The following PDE8B variants were observed in gnomAD, a reference collection of about 807,000 sequenced individuals.
The protein encoded by PDE8B is phosphodiesterase 8B, also known as high affinity cAMP-specific and IBMX-insensitive 3',5'-cyclic phosphodiesterase 8B.
PDE8B carries 26 observed loss-of-function variants against 101.3 expected under a neutral mutation model. The observed-to-expected ratio is 0.26, with a 90% confidence interval of 0.19 to 0.36. The LOEUF (loss-of-function observed/expected upper bound fraction) is 0.36, where lower values mean the gene tolerates loss of function less well. Ranked by LOEUF, PDE8B falls within the 10% of genes least tolerant of loss-of-function variation. PDE8B has a pLI of 1.00. For missense variants in PDE8B, 810 were observed against 1,163.1 expected (o/e 0.70, Z 4.42); for synonymous variants, 424 against 429.3 (o/e 0.99, Z 0.15).
At chr5:77,153,625 A>AGT in the PDE8B span, among the ~76,000 whole-genome samples, 1 of 134,442 alleles carries the variant, frequency 7.4e-6, no homozygotes, top group Non-Finnish European at 1.5e-5. Context: ...CCCAGGCTGG[A>AGT]GTGCAGTGGT....
chr5:77,188,726 A>C, the PDE8B span, among the ~76,000 whole-genome samples: 1 of 152,242 alleles, frequency 6.6e-6, no homozygotes, highest in African/African-American at 2.4e-5. Context: ...AACCCTGTGC[A>C]TCACAACACA....
chr5:77,265,426 A>G (rs1029881186), intron 1 of PDE8B, among the ~76,000 whole-genome samples: 1 of 152,164 alleles, frequency 6.6e-6, no homozygotes, highest in Non-Finnish European at 1.5e-5. Context: ...CTAGTTCATC[A>G]GTGTCTTTAG....
intron 10 of PDE8B, among the ~76,000 whole-genome samples, chr5:77,388,675 GC>G (rs1236898486): frequency 1.3e-5 from 2 of 152,208 alleles, no homozygotes; most frequent in Non-Finnish European, 2.9e-5. Flanking sequence ...GCCCACAGCT[GC>G]CCCTTCCCCA....
chr5:77,199,483 C>A, the PDE8B span, among the ~76,000 whole-genome samples: 1 of 152,166 alleles, frequency 6.6e-6, no homozygotes, highest in Non-Finnish European at 1.5e-5. Flanking sequence ...AGGTTTATTT[C>A]TTTTCTTTTA....
intron 10 of PDE8B, among the ~76,000 whole-genome samples, chr5:77,398,286 T>G (rs62362503): frequency 6.6e-6 from 1 of 151,474 alleles, no homozygotes; most frequent in Non-Finnish European, 1.5e-5. Context: ...AAAACCTTTT[T>G]CCTAATTGTA....
At position 77,210,935 on chromosome 5, in the gene PDE8B, GC is replaced by G. The variant is rs2149370675; in HGVS notation, c.15del (p.Ser6AlafsTer9). MGCAPSIHVSQSGV... is the reference protein window; with the variant it reads MGCXPSIHVSQSGV... ...GGAGCCCGGCCGAGGGATGGGCTGC[GC>G]CCCCAGCATCCATGTCTCGCAGAGC... On this transcript the variant is annotated frameshift_variant, in exon 1 of 22. Coordinates refer to ENST00000264917, the MANE Select transcript of PDE8B (RefSeq NM_003719.5). LOFTEE classifies it high-confidence loss of function. This position sits in a 1 kb window ranked among gnomAD's most constrained non-coding sequence, Gnocchi z 4.9. 1 of 1,486,420 alleles carries G rather than the reference GC, an allele frequency of 6.7e-7. No homozygotes were observed. The highest frequency in any genetic ancestry group is 8.9e-7 in the Non-Finnish European group (1 of 1,124,672). The allele number at this position is 1,486,420 out of a possible 1,614,324, so 92.1% of individuals were successfully genotyped here.
At chr5:77,410,393 C>G (rs761255341) in intron 14 of PDE8B, 2 of 152,268 alleles carry the variant, frequency 1.3e-5, no homozygotes, top group African/African-American at 4.8e-5. Context: ...GTGGAAAGGT[C>G]TGGATGTTGT....
chr5:77,312,083 C>G, intron 2 of PDE8B, 30 bp downstream of exon 2: 1 of 1,320,216 alleles, frequency 7.6e-7, no homozygotes, highest in Non-Finnish European at 1.1e-6. Flanking sequence ...CCCTGTGACT[C>G]AGATTATTTT....
intron 1 of PDE8B, among the ~76,000 whole-genome samples, chr5:77,300,779 T>C (rs2150034002): frequency 1.3e-5 from 2 of 152,236 alleles, no homozygotes; most frequent in African/African-American, 4.8e-5. Flanking sequence ...CTTCTGAAAA[T>C]GTTGAGGTTT....
rs1581217769 is a variant in PDE8B at position 77,357,230 on chromosome 5, T to C, written c.1167+3824T>C. 2.6e-5 allele frequency among the ~76,000 whole-genome samples: 4 copies of C among 152,016 alleles called. No homozygotes were observed. The East Asian group carries it at 7.7e-4, about 29-fold the overall frequency. On this transcript the variant is annotated intron_variant, in intron 10 of 21. Coordinates refer to ENST00000264917, the MANE Select transcript of PDE8B (RefSeq NM_003719.5). ...CAGCCCTCAGAAAACTAAGCAGAAG[T>C]GGGATGCATGGGAGCCAGTGAGGGC...
intron 4 of PDE8B, among the ~76,000 whole-genome samples, chr5:77,330,032 C>T (rs902150359): frequency 2.6e-5 from 4 of 152,174 alleles, no homozygotes; most frequent in African/African-American, 9.7e-5. Context: ...GGATGTGGTC[C>T]AGAGAAAGCA....
At chr5:77,236,254 A>G (rs191989609) in intron 1 of PDE8B, among the ~76,000 whole-genome samples, 3 of 152,316 alleles carry the variant, frequency 2.0e-5, no homozygotes. Flanking sequence ...AAGAGAGGTG[A>G]GAGGACAAGG....
the PDE8B span, among the ~76,000 whole-genome samples, chr5:77,187,470 T>A: frequency 6.6e-6 from 1 of 151,956 alleles, no homozygotes; most frequent in Non-Finnish European, 1.5e-5. Context: ...GCCTAATCTA[T>A]AGATGAAAAA....
the PDE8B span, among the ~76,000 whole-genome samples, chr5:77,181,036 C>T: frequency 6.6e-6 from 1 of 151,752 alleles, no homozygotes; most frequent in Non-Finnish European, 1.5e-5. Flanking sequence ...CTCCAGCGCT[C>T]GGGACTCTGC....
intron 20 of PDE8B, among the ~76,000 whole-genome samples, chr5:77,424,775 G>A (rs1174527859): frequency 4.6e-5 from 7 of 151,648 alleles, no homozygotes; most frequent in Non-Finnish European, 1.0e-4. Context: ...AACTCTTACT[G>A]CTTCAAAGAG....
intron 1 of PDE8B, among the ~76,000 whole-genome samples, chr5:77,249,051 G>A (rs1180158562): frequency 1.3e-5 from 2 of 152,116 alleles, no homozygotes; most frequent in African/African-American, 4.8e-5. Context: ...CCCAGTCTAT[G>A]GTATTTTGTT....
intron 10 of PDE8B, among the ~76,000 whole-genome samples, chr5:77,362,892 C>G (rs928128009): frequency 6.6e-6 from 1 of 152,220 alleles, no homozygotes; most frequent in African/African-American, 2.4e-5. Context: ...CTCTCCTCCT[C>G]CCCGCTGTGG....
intron 17 of PDE8B, among the ~76,000 whole-genome samples, chr5:77,414,040 G>A (rs940977085): frequency 2.6e-5 from 4 of 152,112 alleles, no homozygotes; most frequent in African/African-American, 7.2e-5. Flanking sequence ...ATACCCCTGG[G>A]AGAAGTGCCA....
the PDE8B span, chr5:77,118,654 CAT>C: frequency 1.1e-5 from 4 of 358,620 alleles, no homozygotes; most frequent in Non-Finnish European, 2.0e-5. Context: ...AGTTAAATGA[CAT>C]AAGTTTCTTT....
Sources: allele counts gnomAD v4.1 joint callset (sites outside exome capture counted in the v4.1 genomes callset), GRCh38; gene constraint gnomAD v4.1.1; non-coding constraint Gnocchi (gnomAD v3.1); transcripts MANE v1.5; gene names NCBI Gene and HGNC (gene_info 2026-07-23, HGNC 2026-07-21).